Variants in GABRG1 observed in about 807,000 individuals in gnomAD.
The protein encoded by GABRG1 is gamma-aminobutyric acid receptor subunit gamma-1.
GABRG1 carries 49 observed loss-of-function variants against 49.8 expected under a neutral mutation model. The ratio of observed to expected loss-of-function variants is 0.98; its 90% CI spans 0.78 to 1.25. The LOEUF (loss-of-function observed/expected upper bound fraction) is 1.25. Ranked by LOEUF, GABRG1 falls within the 50% of genes most tolerant of loss-of-function variation. The pLI is 0.00. For missense variants in GABRG1, 552 were observed against 552.3 expected (o/e 1.00, Z 0.01); for synonymous variants, 232 against 185.1 (o/e 1.25, Z -2.06).
At chr4:46,050,506 C>A (rs901144934) in intron 8 of GABRG1, among the ~76,000 whole-genome samples, 1 of 151,798 alleles carries the variant, frequency 6.6e-6, no homozygotes, top group Non-Finnish European at 1.5e-5. Flanking sequence ...GCCACTAATG[C>A]CTGGCTATTT....
intron 3 of GABRG1, among the ~76,000 whole-genome samples, chr4:46,069,367 T>C (rs1577645628): frequency 6.6e-6 from 1 of 152,198 alleles, no homozygotes; most frequent in East Asian, 1.9e-4. Flanking sequence ...AAAGTACAAG[T>C]ACAGCTAATC....
At chr4:46,062,115 G>A (rs1426570442) in intron 5 of GABRG1, among the ~76,000 whole-genome samples, 1 of 145,778 alleles carries the variant, frequency 6.9e-6, no homozygotes, top group Non-Finnish European at 1.5e-5. Context: ...CTATGAGTGA[G>A]AACATGCGGT....
intron 8 of GABRG1, among the ~76,000 whole-genome samples, chr4:46,042,650 T>C (rs1717829264): frequency 6.6e-6 from 1 of 152,044 alleles, no homozygotes; most frequent in South Asian, 2.1e-4. Context: ...AGTTTAAAAT[T>C]TCTTACAACT....
intron 3 of GABRG1, among the ~76,000 whole-genome samples, chr4:46,076,024 G>A (rs1395225809): frequency 4.6e-5 from 7 of 151,596 alleles, no homozygotes; most frequent in Non-Finnish European, 1.0e-4. Flanking sequence ...TGTGATGATG[G>A]CTACCCTAAA....
chr4:46,060,217 G>T (rs2109404191), intron 5 of GABRG1, among the ~76,000 whole-genome samples: 1 of 151,448 alleles, frequency 6.6e-6, no homozygotes, highest in Non-Finnish European at 1.5e-5. Flanking sequence ...CCTGTATGCT[G>T]ATTTCAGGGG....
At position 46,123,937 on chromosome 4, in the gene GABRG1, T is replaced by G. The variant is rs751167511; in HGVS notation, c.-24A>C. On this transcript the variant is annotated 5_prime_UTR_variant, in exon 1 of 9. Coordinates refer to ENST00000295452, the MANE Select transcript of GABRG1 (RefSeq NM_173536.4). ...ATCGGAATCGCTTTTTTACGTGTGCTGCACTAGCTCAATTCTCCCAGCCAG... is the reference window on the plus strand; with the variant it reads ...ATCGGAATCGCTTTTTTACGTGTGCGGCACTAGCTCAATTCTCCCAGCCAG... 1.3e-6 allele frequency: 2 copies of G among 1,554,982 alleles called. No individual in the cohort carries two copies. The highest frequency in any genetic ancestry group is 2.2e-5 in the South Asian group (2 of 89,668).
At chr4:46,048,662 A>AGAAG (rs552231222) in intron 8 of GABRG1, among the ~76,000 whole-genome samples, 5 of 148,240 alleles carry the variant, frequency 3.4e-5, no homozygotes, top group African/African-American at 1.2e-4. Context: ...AAGGAAAGAA[A>AGAAG]GAAGGAAGGA....
At chr4:46,115,942 TA>T (rs148696125) in intron 1 of GABRG1, among the ~76,000 whole-genome samples, 7,748 of 150,850 alleles carry the variant, frequency 0.051, 669 homozygotes, top group African/African-American at 0.18. Context: ...AGAAAGAGGA[TA>T]AAAAAGACAA....
intron 3 of GABRG1, among the ~76,000 whole-genome samples, chr4:46,079,340 C>A (rs1719477792): frequency 6.6e-6 from 1 of 151,878 alleles, no homozygotes; most frequent in African/African-American, 2.4e-5. Flanking sequence ...TTCCTCAGCC[C>A]TGTCTCCGTT....
intron 7 of GABRG1, among the ~76,000 whole-genome samples, chr4:46,056,151 T>TAAAAAAAAAAAAAAAA (rs1182116080): frequency 6.6e-4 from 6 of 9,144 alleles, no homozygotes; most frequent in Non-Finnish European, 8.1e-4. Flanking sequence ...ATAAATAAAT[T>TAAAAAAAAAAAAAAAA]AAAAAAAAAA....
intron 3 of GABRG1, among the ~76,000 whole-genome samples, chr4:46,068,914 A>G (rs1577645345): frequency 6.6e-6 from 1 of 152,138 alleles, no homozygotes; most frequent in African/African-American, 2.4e-5. Context: ...GGAACAGTGC[A>G]TTTAAAATTT....
At chr4:46,067,368 A>T (rs930462619) in intron 3 of GABRG1, among the ~76,000 whole-genome samples, 5 of 152,108 alleles carry the variant, frequency 3.3e-5, no homozygotes, top group African/African-American at 1.2e-4. Context: ...TGAGTATGAG[A>T]TGTATGTTTT....
At chr4:46,057,570 G>T (rs1032850) in intron 7 of GABRG1, among the ~76,000 whole-genome samples, 1 of 151,700 alleles carries the variant, frequency 6.6e-6, no homozygotes, top group Non-Finnish European at 1.5e-5. Context: ...TTTGATTATT[G>T]CAATAGATTG....
intron 2 of GABRG1, among the ~76,000 whole-genome samples, chr4:46,088,752 C>CACAA (rs1294750829): frequency 1.3e-5 from 2 of 150,644 alleles, no homozygotes; most frequent in African/African-American, 4.9e-5. Context: ...CACACACACA[C>CACAA]ACACACACAC....
intron 1 of GABRG1, among the ~76,000 whole-genome samples, chr4:46,108,031 C>T (rs1194296533): frequency 6.6e-6 from 1 of 151,030 alleles, no homozygotes; most frequent in East Asian, 2.0e-4. Context: ...ACATTCTGCA[C>T]ATTTTAAATA....
intron 8 of GABRG1, among the ~76,000 whole-genome samples, chr4:46,044,927 G>T (rs1394234755): frequency 6.6e-6 from 1 of 152,080 alleles, no homozygotes; most frequent in Non-Finnish European, 1.5e-5. Context: ...TCCTAGTATT[G>T]TGCCATCATC....
chr4:46,083,810 T>G (rs45599340), intron 3 of GABRG1, among the ~76,000 whole-genome samples, 176 bp downstream of exon 3: 3,179 of 151,784 alleles, frequency 0.021, 38 homozygotes, highest in Non-Finnish European at 0.034. Flanking sequence ...ATACAGATTC[T>G]TAGATACAGG....
chr4:46,117,777 CATACATGTATATACATATAT>C (rs1560377169), intron 1 of GABRG1, among the ~76,000 whole-genome samples: 3 of 139,652 alleles, frequency 2.1e-5, no homozygotes, highest in African/African-American at 8.0e-5. Context: ...TACATATATA[CATACATGTATATACATATAT>C]ACATATGTAT....
Position 46,049,376 on chromosome 4 carries a change from C to A in GABRG1, c.1131+2048G>T, listed in dbSNP as rs574407518. Among the ~76,000 whole-genome samples, 21 of 151,850 alleles carry A rather than the reference C, an allele frequency of 1.4e-4. No homozygotes were observed. The South Asian group carries it at 2.3e-3, about 17-fold the overall frequency. On this transcript the variant is annotated intron_variant, in intron 8 of 8. Coordinates refer to ENST00000295452, the MANE Select transcript of GABRG1 (RefSeq NM_173536.4). The stretch of plus-strand genomic sequence containing the variant: ...AGGAGTCAGATTTGATTACTGATCC[C>A]GGTTTTTCACTCAAAATATCATTTA...
Sources: gnomAD v4.1 joint callset for allele counts (sites outside exome capture counted in the v4.1 genomes callset) on GRCh38, gnomAD v4.1.1 for gene constraint, MANE v1.5 for transcripts, NCBI Gene and HGNC (gene_info 2026-07-23, HGNC 2026-07-21) for gene names.